Variants in RTN4IP1 observed in about 807,000 individuals in gnomAD.
RTN4IP1 encodes the protein NAD(P)H oxidoreductase RTN4IP1, mitochondrial.
A neutral mutation model predicts 46.6 loss-of-function variants in RTN4IP1; 32 were observed. The observed-to-expected ratio is 0.69, with a 90% confidence interval of 0.52 to 0.92. RTN4IP1 has a LOEUF of 0.92. Among genes scored for constraint, RTN4IP1 ranks in the 40% least tolerant of loss-of-function variants. RTN4IP1 has a pLI of 0.00. For synonymous variants in RTN4IP1, 167 were observed against 161.8 expected, an observed-to-expected ratio of 1.03 and a Z score of -0.24; for missense variants, 424 against 485.8, an observed-to-expected ratio of 0.87 and a Z score of 1.20.
chr6:106,579,780 T>A (rs545087694), intron 8 of RTN4IP1, among the ~76,000 whole-genome samples: 97 of 151,088 alleles, frequency 6.4e-4, no homozygotes, highest in Middle Eastern at 3.4e-3. Flanking sequence ...TAATCCAGAT[T>A]CTTTTTTTTT....
At chr6:106,628,283 T>C (rs1776706000) in intron 1 of RTN4IP1, among the ~76,000 whole-genome samples, 1 of 151,376 alleles carries the variant, frequency 6.6e-6, no homozygotes, top group Admixed American at 6.6e-5. Context: ...CTGACCAACA[T>C]AGTGAAACCC....
intron 8 of RTN4IP1, 84 bp from the exon 9 acceptor site, chr6:106,572,187 G>A: frequency 9.0e-7 from 1 of 1,112,370 alleles, no homozygotes; most frequent in Non-Finnish European, 1.4e-6. Flanking sequence ...TTTCTTGACG[G>A]TGTCCCTCAA....
intron 5 of RTN4IP1, among the ~76,000 whole-genome samples, chr6:106,598,448 G>A (rs1434937636): frequency 1.3e-5 from 2 of 150,560 alleles, no homozygotes; most frequent in African/African-American, 2.4e-5. Flanking sequence ...GATGGCCAGT[G>A]ATGATGAGCA....
intron 6 of RTN4IP1, among the ~76,000 whole-genome samples, chr6:106,591,425 T>C (rs1228670594): frequency 6.6e-6 from 1 of 152,162 alleles, no homozygotes; most frequent in Non-Finnish European, 1.5e-5. Flanking sequence ...ACTCCCTTTT[T>C]TTTCTTTTTT....
intron 8 of RTN4IP1, among the ~76,000 whole-genome samples, chr6:106,579,248 A>T (rs1489419433): frequency 6.6e-6 from 1 of 152,002 alleles, no homozygotes; most frequent in Non-Finnish European, 1.5e-5. Context: ...AAAAAAAAAA[A>T]GTAAAAACCA....
chr6:106,577,777 C>G (rs893493844), intron 8 of RTN4IP1, among the ~76,000 whole-genome samples: 1 of 151,974 alleles, frequency 6.6e-6, no homozygotes, highest in African/African-American at 2.4e-5. Flanking sequence ...GGTTAGAGGT[C>G]AAAGATTAAC....
intron 1 of RTN4IP1, among the ~76,000 whole-genome samples, chr6:106,627,349 C>T (rs1372951532): frequency 6.6e-6 from 1 of 152,104 alleles, no homozygotes; most frequent in African/African-American, 2.4e-5. Context: ...AAATAAAAAG[C>T]TAACAGACCT....
chr6:106,588,686 G>A (rs74552291), intron 6 of RTN4IP1, among the ~76,000 whole-genome samples: 2,933 of 152,318 alleles, frequency 0.019, 75 homozygotes, highest in African/African-American at 0.068. Context: ...AATAAACTGA[G>A]CAAATCAGTT....
chr6:106,591,723 A>C (rs964144838), intron 6 of RTN4IP1, among the ~76,000 whole-genome samples: 2 of 152,134 alleles, frequency 1.3e-5, no homozygotes, highest in African/African-American at 4.8e-5. Flanking sequence ...GAACATCCAC[A>C]GTGCTCCCAT....
intron 5 of RTN4IP1, among the ~76,000 whole-genome samples, chr6:106,593,570 C>G (rs1385273255): frequency 6.6e-6 from 1 of 152,168 alleles, no homozygotes; most frequent in African/African-American, 2.4e-5. Context: ...TAAAGGCTCA[C>G]TAGAATACAA....
In RTN4IP1 at chr6:106,611,004, T is replaced by C. The variant is rs1349347087; in HGVS notation, c.621-8082A>G. Among the ~76,000 whole-genome samples the C allele has an allele frequency of 3.3e-5, 5 of 152,020 alleles. No individual in the cohort carries two copies. The South Asian group carries it at 6.2e-4, about 19-fold the overall frequency. ...CCCTCTACAATCACAGTTTTCAGTA[T>C]TGTAATCTTATGAGGTAGGGCGCCA... is the stretch of plus-strand genomic sequence containing the variant. On this transcript the variant is annotated intron_variant, in intron 4 of 8. Coordinates refer to ENST00000369063, the MANE Select transcript of RTN4IP1 (RefSeq NM_032730.5).
Position 106,602,864 on chromosome 6 carries a change from A to T in RTN4IP1, c.669+10T>A. Reference sequence around the variant, plus strand: ...ATCCTCCTATTCACAAGATTAAAAAATGGTTTTACCTGTATAGCAAAAGTA... The same window carrying T: ...ATCCTCCTATTCACAAGATTAAAAATTGGTTTTACCTGTATAGCAAAAGTA... On this transcript the variant is annotated intron_variant, in intron 5 of 8. Coordinates refer to ENST00000369063, the MANE Select transcript of RTN4IP1 (RefSeq NM_032730.5). 1.3e-6 allele frequency: 2 copies of T among 1,576,920 alleles called. No homozygotes were observed. Among genetic ancestry groups the T allele is most frequent in the Non-Finnish European group, 1.7e-6 (2 of 1,161,946 alleles).
At chr6:106,595,500 C>CTTT (rs35264522) in intron 5 of RTN4IP1, among the ~76,000 whole-genome samples, 1 of 125,882 alleles carries the variant, frequency 7.9e-6, no homozygotes, top group Non-Finnish European at 1.7e-5. Context: ...TACTTTCTTT[C>CTTT]TTTTTTTTTT....
chr6:106,602,946 T>A, intron 4 of RTN4IP1, 24 bp from the exon 5 acceptor site: 1 of 1,581,778 alleles, frequency 6.3e-7, no homozygotes, highest in Non-Finnish European at 8.6e-7. Flanking sequence ...GAAACCACAA[T>A]TAACGAGAAT....
chr6:106,589,036 G>A (rs972635092), intron 6 of RTN4IP1, among the ~76,000 whole-genome samples: 1 of 148,476 alleles, frequency 6.7e-6, no homozygotes. Flanking sequence ...CTTGAACCCG[G>A]GAGGCAGAGG....
At chr6:106,583,482 A>G in intron 7 of RTN4IP1, 62 bp from the exon 8 acceptor site, 2 of 1,376,026 alleles carry the variant, frequency 1.5e-6, no homozygotes, top group Non-Finnish European at 2.0e-6. Context: ...CTAAATGCAG[A>G]TTTAGGGAAA....
intron 5 of RTN4IP1, among the ~76,000 whole-genome samples, chr6:106,599,451 C>CT (rs11392355): frequency 0.7 from 99,658 of 143,128 alleles, 35,611 homozygotes; most frequent in Non-Finnish European, 0.8. Flanking sequence ...ACCCTTTTTG[C>CT]TTTTTTTTTT....
At chr6:106,610,875 G>A (rs1342761235) in intron 4 of RTN4IP1, among the ~76,000 whole-genome samples, 1 of 151,664 alleles carries the variant, frequency 6.6e-6, no homozygotes, top group African/African-American at 2.4e-5. Flanking sequence ...TGTCCTTTTT[G>A]CCTAATCTCT....
intron 4 of RTN4IP1, among the ~76,000 whole-genome samples, chr6:106,608,011 C>T (rs1776129857): frequency 6.6e-6 from 1 of 152,066 alleles, no homozygotes; most frequent in Non-Finnish European, 1.5e-5. Context: ...TCAGTCATAT[C>T]AAAGAGATAT....
Sources: gnomAD v4.1 joint callset for allele counts (sites outside exome capture counted in the v4.1 genomes callset) on GRCh38, gnomAD v4.1.1 for gene constraint, MANE v1.5 for transcripts, NCBI Gene and HGNC (gene_info 2026-07-23, HGNC 2026-07-21) for gene names.